SLC38A12: variants seen among roughly 807,000 people sequenced by gnomAD.
SLC38A12 encodes the protein putative sodium-coupled neutral amino acid transporter 12.
the SLC38A12 span, chr17:74,837,925 T>G: frequency 1.7e-5 from 17 of 985,618 alleles, no homozygotes; most frequent in Non-Finnish European, 2.0e-5. Flanking sequence ...GCCCCTGGCC[T>G]GGAGCTACCT....
At chr17:74,792,705 A>G in the SLC38A12 span, among the ~76,000 whole-genome samples, 1 of 152,230 alleles carries the variant, frequency 6.6e-6, no homozygotes, top group Non-Finnish European at 1.5e-5. Context: ...ACTGCTTTTT[A>G]GGACGTTAAG....
chr17:74,821,721 G>A, the SLC38A12 span, among the ~76,000 whole-genome samples: 8 of 152,228 alleles, frequency 5.3e-5, no homozygotes, highest in Admixed American at 2.6e-4. Context: ...AGAGAAAACC[G>A]TTCTCCCTCC....
the SLC38A12 span, among the ~76,000 whole-genome samples, chr17:74,809,676 A>G: frequency 6.6e-6 from 1 of 152,106 alleles, no homozygotes; most frequent in Non-Finnish European, 1.5e-5. Flanking sequence ...TGGACCTGCA[A>G]TAGCTCAGGC....
chr17:74,834,654 G>T, the SLC38A12 span, among the ~76,000 whole-genome samples: 2 of 152,178 alleles, frequency 1.3e-5, no homozygotes, highest in African/African-American at 4.8e-5. Context: ...TCTGCGGGGG[G>T]CCCCAGACAG....
chr17:74,802,239 C>T, the SLC38A12 span, among the ~76,000 whole-genome samples: 2 of 152,172 alleles, frequency 1.3e-5, no homozygotes, highest in East Asian at 1.9e-4. Context: ...GCATTATGCC[C>T]ACCATCCATC....
At chr17:74,817,554 A>C in the SLC38A12 span, among the ~76,000 whole-genome samples, 2 of 152,240 alleles carry the variant, frequency 1.3e-5, no homozygotes, top group Admixed American at 1.3e-4. Flanking sequence ...TACCACTTAC[A>C]ATACCTTTCA....
At chr17:74,794,305 G>GCTGGAGT in the SLC38A12 span, among the ~76,000 whole-genome samples, 1 of 152,224 alleles carries the variant, frequency 6.6e-6, no homozygotes, top group Non-Finnish European at 1.5e-5. Context: ...TCAGCCTCCT[G>GCTGGAGT]CTGGAGTGAG....
the SLC38A12 span, chr17:74,785,612 C>T: frequency 6.8e-6 from 11 of 1,612,100 alleles, no homozygotes; most frequent in South Asian, 1.1e-4. Context: ...AGGTGAGAGG[C>T]AGCGGGGACT....
chr17:74,789,890 T>A, the SLC38A12 span, among the ~76,000 whole-genome samples: 1 of 136,388 alleles, frequency 7.3e-6, no homozygotes. Flanking sequence ...GCCATTGTCC[T>A]AGGGCTTTTC....
At chr17:74,830,067 G>A in the SLC38A12 span, among the ~76,000 whole-genome samples, 6 of 152,036 alleles carry the variant, frequency 3.9e-5, no homozygotes, top group Non-Finnish European at 7.4e-5. Context: ...CACAGAGACC[G>A]AAGAGAGGTG....
chr17:74,808,369 C>G, the SLC38A12 span, among the ~76,000 whole-genome samples: 1 of 152,248 alleles, frequency 6.6e-6, no homozygotes, highest in Non-Finnish European at 1.5e-5. Flanking sequence ...CCTGCCACAT[C>G]TAAGCAGTGT....
the SLC38A12 span, among the ~76,000 whole-genome samples, chr17:74,815,763 T>C: frequency 5.9e-5 from 9 of 152,194 alleles, no homozygotes; most frequent in African/African-American, 2.2e-4. Context: ...TTCTCGGAAG[T>C]AGCACAGCAT....
the SLC38A12 span, among the ~76,000 whole-genome samples, chr17:74,831,524 C>G: frequency 3.9e-5 from 6 of 152,230 alleles, no homozygotes; most frequent in African/African-American, 7.2e-5. Context: ...GGCCCAGCAG[C>G]CGCTCGTGTG....
the SLC38A12 span, among the ~76,000 whole-genome samples, chr17:74,805,579 A>G: frequency 6.6e-6 from 1 of 152,148 alleles, no homozygotes; most frequent in Non-Finnish European, 1.5e-5. The surrounding 1 kb of genome is among the most constrained non-coding windows in gnomAD (Gnocchi z 5.0). Flanking sequence ...GAGCTCATTA[A>G]TCAGCCAGCT....
At chr17:74,802,279 C>G in the SLC38A12 span, among the ~76,000 whole-genome samples, 1 of 152,192 alleles carries the variant, frequency 6.6e-6, no homozygotes, top group Non-Finnish European at 1.5e-5. Context: ...CTGTCCCCAC[C>G]TTGGCCAATA....
chr17:74,785,038 A>G, the SLC38A12 span, among the ~76,000 whole-genome samples: 16 of 152,294 alleles, frequency 1.1e-4, no homozygotes, highest in African/African-American at 3.4e-4. Flanking sequence ...CCAAAGGACA[A>G]TGGCGAGGAC....
At chr17:74,790,826 A>T in the SLC38A12 span, 1 of 678,724 alleles carries the variant, frequency 1.5e-6, no homozygotes, top group Non-Finnish European at 2.4e-6. Context: ...AGGAAACATT[A>T]GGAAAAGTTT....
the SLC38A12 span, chr17:74,836,873 T>G: frequency 7.2e-7 from 1 of 1,389,426 alleles, no homozygotes; most frequent in African/African-American, 1.5e-5. This position sits in a 1 kb window ranked among gnomAD's most constrained non-coding sequence, Gnocchi z 4.2. Context: ...GCACCTGTCC[T>G]CACTCCCCCG....
chr17:74,812,885 A>C, the SLC38A12 span, among the ~76,000 whole-genome samples: 1 of 151,666 alleles, frequency 6.6e-6, no homozygotes, highest in East Asian at 1.9e-4. Context: ...CCGTGTTGAA[A>C]CTCCGGGAGC....
Sources: allele counts gnomAD v4.1 joint callset (sites outside exome capture counted in the v4.1 genomes callset), GRCh38; gene constraint gnomAD v4.1.1; non-coding constraint Gnocchi (gnomAD v3.1); transcripts MANE v1.5; gene names NCBI Gene and HGNC (gene_info 2026-07-23, HGNC 2026-07-21).